Variants in NRCAM observed in about 807,000 individuals in gnomAD.
NRCAM encodes the protein NgCAM-related cell adhesion molecule.
Under a neutral mutation model 156.5 loss-of-function variants are expected in NRCAM, and 83 were observed. The ratio of observed to expected loss-of-function variants is 0.53; its 90% CI spans 0.44 to 0.64. NRCAM has a LOEUF of 0.64. Among genes scored for constraint, NRCAM ranks in the 30% least tolerant of loss-of-function variants. The pLI is 0.00. For missense variants in NRCAM, 1,417 were observed against 1,597.3 expected, an observed-to-expected ratio of 0.89 and a Z score of 1.92; for synonymous variants, 538 against 563.9, an observed-to-expected ratio of 0.95 and a Z score of 0.65.
chr7:108,381,141 T>A (rs964959106), intron 2 of NRCAM, among the ~76,000 whole-genome samples: 2 of 142,766 alleles, frequency 1.4e-5, no homozygotes, highest in Non-Finnish European at 3.1e-5. Flanking sequence ...GCAAGAAGAT[T>A]AAATATACGT....
intron 25 of NRCAM, chr7:108,178,383 T>C (rs1346271161): frequency 2.2e-6 from 1 of 459,266 alleles, no homozygotes; most frequent in South Asian, 1.8e-5. Context: ...AAACCTAATA[T>C]TTTAAAAAGA....
At chr7:108,178,184 C>T (rs540600854) in intron 25 of NRCAM, 72 bp from the exon 26 acceptor site, 24 of 1,487,082 alleles carry the variant, frequency 1.6e-5, no homozygotes, top group South Asian at 5.0e-5. Flanking sequence ...GACATTTCAC[C>T]GTGCTCGCAC....
At chr7:108,402,117 C>A (rs554606925) in intron 1 of NRCAM, among the ~76,000 whole-genome samples, 1 of 152,302 alleles carries the variant, frequency 6.6e-6, no homozygotes, top group Admixed American at 6.5e-5. Flanking sequence ...ATAACTCAGT[C>A]CATCATGATA....
intron 28 of NRCAM, among the ~76,000 whole-genome samples, chr7:108,173,813 G>A (rs2059450104): frequency 6.6e-6 from 1 of 152,034 alleles, no homozygotes. Flanking sequence ...ACATCAAATG[G>A]TAAAACCAAA....
At chr7:108,250,295 G>A (rs571792400) in intron 3 of NRCAM, among the ~76,000 whole-genome samples, 10 of 151,888 alleles carry the variant, frequency 6.6e-5, no homozygotes, top group African/African-American at 2.4e-4. Context: ...GCATGGTGGC[G>A]AGCACCTGTA....
chr7:108,411,752 C>G (rs902043465), intron 1 of NRCAM, among the ~76,000 whole-genome samples: 1 of 151,972 alleles, frequency 6.6e-6, no homozygotes, highest in African/African-American at 2.4e-5. Context: ...AGGCTGGTCT[C>G]GAACTCCCGA....
intron 13 of NRCAM, among the ~76,000 whole-genome samples, chr7:108,201,623 C>G (rs1394065770): frequency 6.6e-6 from 1 of 152,128 alleles, no homozygotes; most frequent in Non-Finnish European, 1.5e-5. Context: ...ACTTGGAGGG[C>G]AAAGCTCAAC....
In NRCAM at chr7:108,195,825, T is replaced by C. The variant is rs2074721709; in HGVS notation, c.1399A>G (p.Ile467Val). 1.2e-6 allele frequency: 2 copies of C among 1,613,828 alleles called. No homozygotes were observed. Among genetic ancestry groups the C allele is most frequent in the African/African-American group, 1.3e-5 (1 of 75,032 alleles). Reference sequence around the variant, plus strand: ...TCTAGTAAAGCAGGCCTGTTTGCAATGACCTGGTAGAGTGTGTTTGCAGGT... The same window carrying C: ...TCTAGTAAAGCAGGCCTGTTTGCAACGACCTGGTAGAGTGTGTTTGCAGGT... ...LTPANTLYQV[I>V]ANRPALLDCA... The change falls in exon 15 of 33, where the codon ATT becomes GTT. Residue 467 changes from isoleucine to valine, a missense_variant. Ile to Val is a conservative substitution (Grantham distance 29). Coordinates refer to ENST00000379028, the MANE Select transcript of NRCAM (RefSeq NM_001037132.4).
At chr7:108,421,368 T>C (rs1446820787) in intron 1 of NRCAM, among the ~76,000 whole-genome samples, 1 of 152,204 alleles carries the variant, frequency 6.6e-6, no homozygotes, top group Non-Finnish European at 1.5e-5. Flanking sequence ...CATTTATCAA[T>C]GTTTACATGT....
At chr7:108,373,803 T>C (rs2099644249) in intron 2 of NRCAM, among the ~76,000 whole-genome samples, 1 of 152,158 alleles carries the variant, frequency 6.6e-6, no homozygotes, top group Non-Finnish European at 1.5e-5. Context: ...TTAAGGTGAT[T>C]GATAACTTCC....
At chr7:108,431,484 A>AAT (rs1825079773) in intron 1 of NRCAM, among the ~76,000 whole-genome samples, 1 of 152,196 alleles carries the variant, frequency 6.6e-6, no homozygotes, top group African/African-American at 2.4e-5. Context: ...CAGTAATGGC[A>AAT]TCAAATTCAC....
At chr7:108,431,365 A>C (rs1157468307) in intron 1 of NRCAM, among the ~76,000 whole-genome samples, 5 of 152,198 alleles carry the variant, frequency 3.3e-5, no homozygotes, top group Non-Finnish European at 5.9e-5. Context: ...TGTTTGGGAA[A>C]TCTAGACCTT....
chr7:108,324,648 T>C (rs1288299695), intron 2 of NRCAM, among the ~76,000 whole-genome samples: 1 of 151,960 alleles, frequency 6.6e-6, no homozygotes, highest in African/African-American at 2.4e-5. Flanking sequence ...GGGGGCTGGG[T>C]GGTAAGGAGG....
At chr7:108,150,241 T>G (rs2040473425) in intron 32 of NRCAM, 94 bp from the exon 33 acceptor site, 1 of 1,032,428 alleles carries the variant, frequency 9.7e-7, no homozygotes. Flanking sequence ...AGAAAGCATT[T>G]GGAGTCCTGG....
chr7:108,159,516 A>G lies in NRCAM; in HGVS notation c.3624T>C (p.Ala1208=). The change falls in exon 32 of 33, where the codon GCT becomes GCC. Residue 1208 remains alanine, a synonymous_variant. Coordinates refer to ENST00000379028, the MANE Select transcript of NRCAM (RefSeq NM_001037132.4). ...YPVKEKEDAH[A]DPEIQPMKED... ...CCTTCATAGGCTGGATTTCAGGGTC[A>G]GCATGGGCATCTTCCTTTTCTTTAA... The G allele has an allele frequency of 1.2e-6, 2 of 1,613,542 alleles. No individual in the cohort carries two copies. The highest frequency in any genetic ancestry group is 1.7e-6 in the Non-Finnish European group (2 of 1,179,534).
chr7:108,413,270 C>A (rs896183266), intron 1 of NRCAM, among the ~76,000 whole-genome samples: 5 of 152,034 alleles, frequency 3.3e-5, no homozygotes, highest in African/African-American at 1.2e-4. Context: ...TTTACATTTC[C>A]CTGATGATTA....
At chr7:108,286,032 ATAG>A (rs1174192976) in intron 3 of NRCAM, among the ~76,000 whole-genome samples, 1 of 152,238 alleles carries the variant, frequency 6.6e-6, no homozygotes, top group Non-Finnish European at 1.5e-5. Flanking sequence ...TGTAAGCCTT[ATAG>A]TTTCTGTCGA....
intron 3 of NRCAM, among the ~76,000 whole-genome samples, chr7:108,274,339 A>G (rs1038313910): frequency 1.3e-5 from 2 of 152,106 alleles, no homozygotes; most frequent in Non-Finnish European, 2.9e-5. Flanking sequence ...CAGTATGGCT[A>G]TTTTCAGGAT....
In NRCAM at chr7:108,249,377, C is replaced by CA. The variant is rs1440785749; in HGVS notation, c.-106-9208dup. Reference sequence around the variant, plus strand: ...GCCAGAGGCTGTTTCATATAAAGAACAAATCTCAGTCACTTGCTGACATGC... The same window carrying CA: ...GCCAGAGGCTGTTTCATATAAAGAACAAAATCTCAGTCACTTGCTGACATGC... On this transcript the variant is annotated intron_variant, in intron 3 of 32. Coordinates refer to ENST00000379028, the MANE Select transcript of NRCAM (RefSeq NM_001037132.4). 2.0e-5 allele frequency among the ~76,000 whole-genome samples: 3 copies of CA among 152,258 alleles called. No homozygotes were observed. In the South Asian group the frequency reaches 6.2e-4, roughly 32 times the overall value.
Sources: allele counts gnomAD v4.1 joint callset (sites outside exome capture counted in the v4.1 genomes callset), GRCh38; gene constraint gnomAD v4.1.1; transcripts MANE v1.5; gene names NCBI Gene and HGNC (gene_info 2026-07-23, HGNC 2026-07-21).